The following GRIK3 variants were observed in gnomAD, a reference collection of about 807,000 sequenced individuals.
GRIK3 encodes the protein glutamate receptor ionotropic, kainate 3.
A neutral mutation model predicts 102.5 loss-of-function variants in GRIK3; 29 were observed. That is an observed-to-expected ratio of 0.28 (90% CI 0.21 to 0.39). The LOEUF (loss-of-function observed/expected upper bound fraction) is 0.39. GRIK3 is among the 10% of genes least tolerant of loss of function. The pLI, the probability that GRIK3 is intolerant of heterozygous loss-of-function variation, is 1.00. For synonymous variants in GRIK3, 511 were observed against 504.9 expected (o/e 1.01, Z -0.16); for missense variants, 908 against 1,252.4 (o/e 0.73, Z 4.15).
chr1:36,802,060 A>G lies in GRIK3; in HGVS notation c.2566-15T>C. On this transcript the variant is annotated splice_polypyrimidine_tract_variant and intron_variant, in intron 15 of 15. Coordinates refer to ENST00000373091, the MANE Select transcript of GRIK3 (RefSeq NM_000831.4). The stretch of plus-strand genomic sequence containing the variant: ...CAGAAGGAACGCTGCAGGAGGGTGG[A>G]GGAGAGGGGTCGGAAAAGGGGCACA... 6.3e-7 allele frequency: 1 copy of G among 1,592,482 alleles called. No individual in the cohort carries two copies.
At chr1:36,803,190 TG>T (rs961652900) in intron 15 of GRIK3, among the ~76,000 whole-genome samples, 1 of 151,954 alleles carries the variant, frequency 6.6e-6, no homozygotes, top group Non-Finnish European at 1.5e-5. Context: ...GAGGTAACAT[TG>T]GAACTGAAAC....
intron 1 of GRIK3, among the ~76,000 whole-genome samples, chr1:36,918,141 C>A (rs1253070118): frequency 6.6e-6 from 1 of 152,220 alleles, no homozygotes; most frequent in Admixed American, 6.5e-5. Flanking sequence ...GTGTAACCTT[C>A]TGGTGTTAGT....
At chr1:36,844,311 C>G (rs1640495281) in intron 9 of GRIK3, among the ~76,000 whole-genome samples, 1 of 152,234 alleles carries the variant, frequency 6.6e-6, no homozygotes, top group African/African-American at 2.4e-5. Flanking sequence ...CACTCGCCTT[C>G]CAACCAAGCA....
intron 5 of GRIK3, among the ~76,000 whole-genome samples, chr1:36,861,367 T>C (rs1640723375): frequency 6.6e-6 from 1 of 152,090 alleles, no homozygotes; most frequent in Non-Finnish European, 1.5e-5. Flanking sequence ...TCTCCCACAC[T>C]CTCCCCTCAC....
At chr1:36,877,917 T>C (rs1325929) in intron 3 of GRIK3, among the ~76,000 whole-genome samples, 143,898 of 152,312 alleles carry the variant, frequency 0.94, 68,043 homozygotes, top group East Asian at 0.99. Flanking sequence ...GAATTATGTG[T>C]GACCTCTGGG....
At chr1:37,010,905 C>T (rs1481947702) in intron 1 of GRIK3, among the ~76,000 whole-genome samples, 1 of 151,980 alleles carries the variant, frequency 6.6e-6, no homozygotes, top group Non-Finnish European at 1.5e-5. Context: ...CCGCGCCCGG[C>T]TAATTTTTTG....
At chr1:36,881,915 A>G (rs1056056106) in intron 2 of GRIK3, among the ~76,000 whole-genome samples, 2 of 152,112 alleles carry the variant, frequency 1.3e-5, no homozygotes, top group African/African-American at 2.4e-5. Context: ...TGCTCCTTGA[A>G]CATGCTAAGT....
chr1:36,837,208 C>T (rs1640390124), intron 10 of GRIK3, among the ~76,000 whole-genome samples: 1 of 152,126 alleles, frequency 6.6e-6, no homozygotes, highest in South Asian at 2.1e-4. Flanking sequence ...TCCTAGAGCT[C>T]AGCCTCCAGC....
At chr1:36,889,758 G>T (rs1053059344) in intron 2 of GRIK3, among the ~76,000 whole-genome samples, 11 of 152,156 alleles carry the variant, frequency 7.2e-5, no homozygotes, top group Non-Finnish European at 1.3e-4. Flanking sequence ...TGAATCACAG[G>T]TGTACCACTA....
In GRIK3 at chr1:36,806,089, C is replaced by T; in HGVS notation, c.2314+15G>A. The T allele has an allele frequency of 7.5e-6, 12 of 1,593,668 alleles. No individual in the cohort carries two copies. In the South Asian group the frequency reaches 1.2e-4, roughly 16 times the overall value. Reference sequence around the variant, plus strand: ...CCCACACACCCACCCCTCCCACAGGCAGCCCCTCGCTCACCCATGGGCGTG... The same window carrying T: ...CCCACACACCCACCCCTCCCACAGGTAGCCCCTCGCTCACCCATGGGCGTG... On this transcript the variant is annotated intron_variant, in intron 14 of 15. Coordinates refer to ENST00000373091, the MANE Select transcript of GRIK3 (RefSeq NM_000831.4). This position sits in a 1 kb window ranked among gnomAD's most constrained non-coding sequence, Gnocchi z 4.0.
intron 5 of GRIK3, among the ~76,000 whole-genome samples, chr1:36,863,914 G>A (rs559561757): frequency 1.3e-5 from 2 of 152,170 alleles, no homozygotes; most frequent in Admixed American, 1.3e-4. Context: ...CTGGAATGTA[G>A]CGACAAGTGT....
chr1:36,804,886 G>A (rs1557686543), intron 15 of GRIK3, 101 bp downstream of exon 15: 1 of 1,425,020 alleles, frequency 7.0e-7, no homozygotes, highest in Non-Finnish European at 9.7e-7. Context: ...GCTGTTGTGA[G>A]GCTGAGATGA....
chr1:36,955,337 T>C (rs772679928), intron 1 of GRIK3, among the ~76,000 whole-genome samples: 2 of 152,098 alleles, frequency 1.3e-5, no homozygotes, highest in Admixed American at 6.5e-5. Context: ...CCACCCAAAC[T>C]GTGCTTCCCC....
intron 15 of GRIK3, among the ~76,000 whole-genome samples, chr1:36,802,863 C>T (rs917392173): frequency 1.3e-5 from 2 of 152,076 alleles, no homozygotes; most frequent in Non-Finnish European, 2.9e-5. Context: ...CTGTGACCCT[C>T]CAGGCTTCCC....
chr1:36,840,881 C>T (rs1430524902), intron 10 of GRIK3, among the ~76,000 whole-genome samples: 1 of 152,172 alleles, frequency 6.6e-6, no homozygotes, highest in Non-Finnish European at 1.5e-5. Context: ...CAGCATCTTA[C>T]CAGGGACCCT....
At chr1:36,804,159 C>T (rs1642472895) in intron 15 of GRIK3, among the ~76,000 whole-genome samples, 2 of 152,170 alleles carry the variant, frequency 1.3e-5, no homozygotes, top group Admixed American at 1.3e-4. Context: ...TAGAGGATTC[C>T]ATTTCGTTTT....
At chr1:36,818,246 G>A (rs912109589) in intron 12 of GRIK3, among the ~76,000 whole-genome samples, 8 of 152,204 alleles carry the variant, frequency 5.3e-5, no homozygotes, top group African/African-American at 1.9e-4. Context: ...AGCAGGAGGT[G>A]GAAGAGGAGA....
At chr1:36,842,046 C>T in intron 9 of GRIK3, 107 bp from the exon 10 acceptor site, 1 of 922,760 alleles carries the variant, frequency 1.1e-6, no homozygotes, top group African/African-American at 1.6e-5. Context: ...TTTTATAAAC[C>T]CCTTGGAGTG....
At chr1:37,007,222 G>T (rs1271724515) in intron 1 of GRIK3, among the ~76,000 whole-genome samples, 3 of 152,254 alleles carry the variant, frequency 2.0e-5, no homozygotes, top group African/African-American at 4.8e-5. Context: ...TCCCAATGAG[G>T]TGGGTGCTGT....
Sources: gnomAD v4.1 joint callset for allele counts (sites outside exome capture counted in the v4.1 genomes callset) on GRCh38, gnomAD v4.1.1 for gene constraint, Gnocchi (gnomAD v3.1) non-coding constraint, MANE v1.5 for transcripts, NCBI Gene and HGNC (gene_info 2026-07-23, HGNC 2026-07-21) for gene names.